Variants in TAF8 observed in about 807,000 individuals in gnomAD.
TAF8 encodes TATA-box binding protein associated factor 8.
In TAF8, 47 loss-of-function variants were observed where a neutral mutation model predicts 36.5. The ratio of observed to expected loss-of-function variants is 1.29; its 90% CI spans 1.02 to 1.64. The LOEUF (loss-of-function observed/expected upper bound fraction) is 1.64. TAF8 is among the 40% of genes most tolerant of loss of function. The pLI, the probability that TAF8 is intolerant of heterozygous loss-of-function variation, is 0.00. For synonymous variants in TAF8, 175 were observed against 159.5 expected (o/e 1.10, Z -0.73); for missense variants, 420 against 407.6 (o/e 1.03, Z -0.26).
chr6:42,050,609 C>T (rs978541569), intron 1 of TAF8, 23 bp downstream of exon 1: 1 of 1,542,076 alleles, frequency 6.5e-7, no homozygotes, highest in East Asian at 2.4e-5. Context: ...AGCGCGGGCT[C>T]GGAGCCGAGA....
At position 42,080,589 on chromosome 6, in the gene TAF8, TG is replaced by T; in HGVS notation, c.*3046del. On this transcript the variant is annotated 3_prime_UTR_variant, in exon 9 of 9. Coordinates refer to ENST00000372977, the MANE Select transcript of TAF8 (RefSeq NM_138572.3). ...CGGGGTTTCACCAGGTTGGCCAGGGTGGTCTCGAACACCTGACCTCAGATGA... is the reference window on the plus strand; with the variant it reads ...CGGGGTTTCACCAGGTTGGCCAGGGTGTCTCGAACACCTGACCTCAGATGA... 1 of 641,916 alleles carries T rather than the reference TG, an allele frequency of 1.6e-6. No individual in the cohort carries two copies. Among genetic ancestry groups the T allele is most frequent in the Non-Finnish European group, 1.9e-6 (1 of 516,582 alleles). The allele number at this position is 641,916 out of a possible 1,614,324, so 39.8% of individuals were successfully genotyped here.
At chr6:42,070,890 A>G (rs1187309930) in intron 7 of TAF8, among the ~76,000 whole-genome samples, 1 of 152,204 alleles carries the variant, frequency 6.6e-6, no homozygotes, top group African/African-American at 2.4e-5. Context: ...TGGACATTTC[A>G]TACCCAGGAT....
At chr6:42,064,205 A>T (rs576058071) in intron 5 of TAF8, among the ~76,000 whole-genome samples, 7 of 152,130 alleles carry the variant, frequency 4.6e-5, no homozygotes, top group Non-Finnish European at 1.0e-4. Context: ...TGTTTTTAAC[A>T]AGTACAATAT....
At chr6:42,074,532 A>G (rs1236132350) in intron 7 of TAF8, among the ~76,000 whole-genome samples, 1 of 151,932 alleles carries the variant, frequency 6.6e-6, no homozygotes, top group Non-Finnish European at 1.5e-5. Flanking sequence ...TCAGTTTGAC[A>G]CTTTACTTTT....
At chr6:42,070,107 G>A (rs1391646663) in intron 7 of TAF8, among the ~76,000 whole-genome samples, 1 of 152,104 alleles carries the variant, frequency 6.6e-6, no homozygotes, top group Non-Finnish European at 1.5e-5. Flanking sequence ...AGAATGGGAG[G>A]AGAGAAGAGG....
At chr6:42,063,451 T>A (rs1200737048) in intron 5 of TAF8, 1 of 152,208 alleles carries the variant, frequency 6.6e-6, no homozygotes, top group East Asian at 1.9e-4. Context: ...CTTATTTATG[T>A]GAATATTATA....
downstream of TAF8, among the ~76,000 whole-genome samples, chr6:42,083,692 C>T (rs889205737): frequency 3.4e-5 from 5 of 148,860 alleles, no homozygotes; most frequent in African/African-American, 9.9e-5. Flanking sequence ...GAGGGGCACC[C>T]GGGGACTCTG....
At chr6:42,051,111 A>G (rs1764763216) in intron 1 of TAF8, 2 of 1,177,734 alleles carry the variant, frequency 1.7e-6, no homozygotes, top group Non-Finnish European at 2.1e-6. Context: ...GTAGAAAGTA[A>G]AAGACCTGCT....
intron 7 of TAF8, among the ~76,000 whole-genome samples, chr6:42,072,289 T>C (rs1765606194): frequency 6.6e-6 from 1 of 152,134 alleles, no homozygotes; most frequent in African/African-American, 2.4e-5. Flanking sequence ...CTAGTGACAA[T>C]TTACTACAGT....
chr6:42,076,966 A>G, intron 7 of TAF8, 134 bp from the exon 8 acceptor site: 2 of 1,135,118 alleles, frequency 1.8e-6, no homozygotes, highest in South Asian at 1.6e-5. Context: ...GGGCAGAGAT[A>G]GGAATGTTGG....
chr6:42,086,878 T>G, downstream of TAF8: 3 of 935,550 alleles, frequency 3.2e-6, no homozygotes, highest in Non-Finnish European at 5.1e-6. Context: ...GTGCAGATGC[T>G]ACCCCACAAG....
chr6:42,051,057 A>G, intron 1 of TAF8: 3 of 1,104,400 alleles, frequency 2.7e-6, no homozygotes, highest in Non-Finnish European at 2.2e-6. Context: ...TCTTAATCCC[A>G]TCATGCGTGT....
intron 7 of TAF8, among the ~76,000 whole-genome samples, chr6:42,070,332 CA>C (rs57498433): frequency 6.7e-6 from 1 of 150,202 alleles, no homozygotes; most frequent in South Asian, 2.1e-4. Context: ...ACTAAAAATA[CA>C]AAAAAAAAAT....
At chr6:42,054,690 C>G (rs1309084120) in intron 2 of TAF8, among the ~76,000 whole-genome samples, 2 of 148,604 alleles carry the variant, frequency 1.3e-5, no homozygotes, top group Non-Finnish European at 2.9e-5. Context: ...CTCACTGCAA[C>G]CACCTCCACC....
At chr6:42,086,858 G>A, downstream of TAF8, 3 of 1,118,312 alleles carry the variant, frequency 2.7e-6, no homozygotes, top group Non-Finnish European at 4.0e-6. Context: ...GCTCCTTCCA[G>A]CCCTTGCTGG....
chr6:42,060,461 G>A (rs1412682056), intron 5 of TAF8, among the ~76,000 whole-genome samples: 1 of 152,180 alleles, frequency 6.6e-6, no homozygotes, highest in African/African-American at 2.4e-5. Flanking sequence ...TCTGTTCCAT[G>A]AAGAATCTCA....
At chr6:42,083,814 G>A (rs1765983714), downstream of TAF8, among the ~76,000 whole-genome samples, 1 of 152,078 alleles carries the variant, frequency 6.6e-6, no homozygotes, top group Admixed American at 6.6e-5. Flanking sequence ...AAGGAAGGAA[G>A]GACATTCTAG....
At chr6:42,053,941 G>T (rs926973233) in intron 2 of TAF8, among the ~76,000 whole-genome samples, 2 of 152,126 alleles carry the variant, frequency 1.3e-5, no homozygotes, top group Non-Finnish European at 2.9e-5. Flanking sequence ...ATAGCAGGGG[G>T]GTTGGTGGTA....
At chr6:42,051,277 CTT>C (rs1764770794) in intron 1 of TAF8, 78 bp from the exon 2 acceptor site, 1 of 1,381,600 alleles carries the variant, frequency 7.2e-7, no homozygotes, top group Non-Finnish European at 9.8e-7. Flanking sequence ...AGTAAAATAA[CTT>C]TGCTTGCCGT....
Sources: allele counts gnomAD v4.1 joint callset (sites outside exome capture counted in the v4.1 genomes callset), GRCh38; gene constraint gnomAD v4.1.1; transcripts MANE v1.5; gene names NCBI Gene and HGNC (gene_info 2026-07-23, HGNC 2026-07-21).